The following SNTG2 variants were observed in gnomAD, a reference collection of about 807,000 sequenced individuals.
SNTG2 encodes gamma-2-syntrophin.
In SNTG2, 74 loss-of-function variants were observed where a neutral mutation model predicts 70.9. That is an observed-to-expected ratio of 1.04 (90% CI 0.86 to 1.27). The LOEUF (loss-of-function observed/expected upper bound fraction) is 1.27, where lower values mean the gene tolerates loss of function less well. SNTG2 is among the 50% of genes most tolerant of loss of function. The pLI, the probability that SNTG2 is intolerant of heterozygous loss-of-function variation, is 0.00. For synonymous variants in SNTG2, 278 were observed against 273.8 expected (o/e 1.02, Z -0.15); for missense variants, 717 against 690.7 (o/e 1.04, Z -0.43).
chr2:1,261,917 A>G (rs1280124878), intron 13 of SNTG2, among the ~76,000 whole-genome samples: 1 of 152,156 alleles, frequency 6.6e-6, no homozygotes, highest in African/African-American at 2.4e-5. Flanking sequence ...CTCATCCCGA[A>G]TCCCGCTCTA....
chr2:1,226,626 A>G (rs560195730), intron 9 of SNTG2, among the ~76,000 whole-genome samples: 10 of 152,034 alleles, frequency 6.6e-5, no homozygotes, highest in South Asian at 2.1e-4. Context: ...TGTGAAGGAC[A>G]CTCTTCGACT....
intron 1 of SNTG2, among the ~76,000 whole-genome samples, chr2:1,017,812 G>A (rs891825490): frequency 2.0e-5 from 3 of 152,222 alleles, no homozygotes; most frequent in Admixed American, 6.5e-5. Context: ...CGTGAGGGCA[G>A]TGTTAGCTAT....
At chr2:1,233,142 A>G (rs1375162198) in intron 9 of SNTG2, among the ~76,000 whole-genome samples, 1 of 152,216 alleles carries the variant, frequency 6.6e-6, no homozygotes, top group Non-Finnish European at 1.5e-5. Context: ...TAAAAAGGCG[A>G]TTTACACATT....
At chr2:1,278,180 G>A (rs1488121042) in intron 14 of SNTG2, among the ~76,000 whole-genome samples, 1 of 152,202 alleles carries the variant, frequency 6.6e-6, no homozygotes, top group Non-Finnish European at 1.5e-5. Flanking sequence ...CTTAATCACA[G>A]TACACAAGTA....
intron 14 of SNTG2, among the ~76,000 whole-genome samples, chr2:1,279,532 G>T (rs2148203975): frequency 6.6e-6 from 1 of 152,242 alleles, no homozygotes; most frequent in East Asian, 1.9e-4. Flanking sequence ...AAGGTTTTGT[G>T]TGGGGGCTGT....
At chr2:1,307,646 G>A (rs142801992) in intron 14 of SNTG2, among the ~76,000 whole-genome samples, 1 of 152,134 alleles carries the variant, frequency 6.6e-6, no homozygotes. Context: ...CATTTTACCC[G>A]CAGATTTATT....
At chr2:1,040,555 TTCTGC>T (rs764029427) in intron 1 of SNTG2, among the ~76,000 whole-genome samples, 16 of 152,224 alleles carry the variant, frequency 1.1e-4, no homozygotes, top group Non-Finnish European at 2.2e-4. Flanking sequence ...TGGTTGGAGT[TTCTGC>T]CGGCCATTGC....
At chr2:1,360,084 A>G (rs1451914903) in intron 16 of SNTG2, among the ~76,000 whole-genome samples, 3 of 152,248 alleles carry the variant, frequency 2.0e-5, no homozygotes, top group Admixed American at 2.0e-4. Context: ...TAAATGATTG[A>G]AAGAAGTTAT....
chr2:1,007,405 G>A (rs942122171), intron 1 of SNTG2, among the ~76,000 whole-genome samples: 1 of 152,190 alleles, frequency 6.6e-6, no homozygotes, highest in African/African-American at 2.4e-5. Flanking sequence ...CTCACATTTA[G>A]ACCTGACTTG....
intron 16 of SNTG2, among the ~76,000 whole-genome samples, chr2:1,338,125 A>G (rs1659909453): frequency 6.6e-6 from 1 of 152,194 alleles, no homozygotes; most frequent in African/African-American, 2.4e-5. Flanking sequence ...TCAGCTTTAA[A>G]ATCAGGAACC....
chr2:1,084,942 G>A (rs77060677), intron 2 of SNTG2, among the ~76,000 whole-genome samples: 4,367 of 152,170 alleles, frequency 0.029, 76 homozygotes, highest in Middle Eastern at 0.054. Context: ...CCCACACCCC[G>A]GCACCACTGC....
intron 16 of SNTG2, among the ~76,000 whole-genome samples, chr2:1,323,862 T>C (rs190403139): frequency 6.7e-6 from 1 of 150,098 alleles, no homozygotes; most frequent in Non-Finnish European, 1.5e-5. Flanking sequence ...GTCATATTGC[T>C]GAGACCTCCC....
intron 16 of SNTG2, among the ~76,000 whole-genome samples, chr2:1,357,133 C>G (rs1660896221): frequency 6.6e-6 from 1 of 151,972 alleles, no homozygotes; most frequent in Non-Finnish European, 1.5e-5. Flanking sequence ...TCTTCATTTT[C>G]CAATTTGAAT....
At chr2:966,939 T>C (rs1031448664) in intron 1 of SNTG2, among the ~76,000 whole-genome samples, 4 of 149,876 alleles carry the variant, frequency 2.7e-5, no homozygotes, top group African/African-American at 9.9e-5. Context: ...AGAGCAAGAC[T>C]CTGTCTCAAA....
At chr2:1,024,225 T>TA (rs1660353036) in intron 1 of SNTG2, among the ~76,000 whole-genome samples, 1 of 152,034 alleles carries the variant, frequency 6.6e-6, no homozygotes, top group Admixed American at 6.5e-5. Context: ...ATCGTAATAC[T>TA]AAAAGTGAGG....
intron 15 of SNTG2, among the ~76,000 whole-genome samples, chr2:1,310,492 C>T (rs1233042429): frequency 2.0e-5 from 3 of 152,164 alleles, no homozygotes; most frequent in Non-Finnish European, 4.4e-5. Context: ...CACATTCAGC[C>T]AAGCCCTGAG....
chr2:1,202,111 C>T (rs1250365207), intron 8 of SNTG2, among the ~76,000 whole-genome samples: 1 of 151,982 alleles, frequency 6.6e-6, no homozygotes, highest in Non-Finnish European at 1.5e-5. Context: ...AAACTTGATA[C>T]ATAGGAAGAA....
chr2:985,390 T>TG (rs1661271358), intron 1 of SNTG2, among the ~76,000 whole-genome samples: 1 of 152,156 alleles, frequency 6.6e-6, no homozygotes, highest in Non-Finnish European at 1.5e-5. Flanking sequence ...TAGAAGGGTT[T>TG]GTGTGAGCTC....
chr2:1,232,524 C>A (rs1269104507), intron 9 of SNTG2, among the ~76,000 whole-genome samples: 1 of 152,052 alleles, frequency 6.6e-6, no homozygotes, highest in Non-Finnish European at 1.5e-5. Flanking sequence ...TCTTGAACTC[C>A]TGACCTCAGG....
Sources: gnomAD v4.1 joint callset for allele counts (sites outside exome capture counted in the v4.1 genomes callset) on GRCh38, gnomAD v4.1.1 for gene constraint, MANE v1.5 for transcripts, NCBI Gene and HGNC (gene_info 2026-07-23, HGNC 2026-07-21) for gene names.